The following JCAD variants were observed in gnomAD, a reference collection of about 807,000 sequenced individuals.
JCAD encodes the protein junctional cadherin 5 associated.
In JCAD, 40 loss-of-function variants were observed where a neutral mutation model predicts 98.0. That is an observed-to-expected ratio of 0.41 (90% CI 0.32 to 0.53). The LOEUF is 0.53. Among genes scored for constraint, JCAD ranks in the 20% least tolerant of loss-of-function variants. JCAD has a pLI of 0.31. For missense variants in JCAD, 1,705 were observed against 1,738.1 expected (o/e 0.98, Z 0.34); for synonymous variants, 691 against 682.3 (o/e 1.01, Z -0.20).
intron 1 of JCAD, among the ~76,000 whole-genome samples, chr10:30,101,376 T>C (rs898865246): frequency 4.6e-5 from 7 of 152,078 alleles, no homozygotes; most frequent in Non-Finnish European, 1.5e-5. Flanking sequence ...ACCACTGCAC[T>C]CCAGCCTGGG....
chr10:30,031,750 ATTTTTT>A (rs1177691710), intron 2 of JCAD, among the ~76,000 whole-genome samples: 4 of 63,370 alleles, frequency 6.3e-5, no homozygotes, highest in Admixed American at 4.2e-4. Flanking sequence ...CCCCATCTGT[ATTTTTT>A]TTTTTTTTTT....
intron 1 of JCAD, among the ~76,000 whole-genome samples, chr10:30,093,652 G>A (rs1214249485): frequency 6.6e-6 from 1 of 152,162 alleles, no homozygotes; most frequent in Non-Finnish European, 1.5e-5. Context: ...TATTATCAGA[G>A]CCACACTCTG....
chr10:30,019,357 C>CAAAAAAAAAA (rs58164754), intron 3 of JCAD, among the ~76,000 whole-genome samples: 15 of 100,296 alleles, frequency 1.5e-4, no homozygotes, highest in African/African-American at 5.0e-4. Context: ...AACTCTGTCT[C>CAAAAAAAAAA]AAAAAAAAAA....
Position 30,074,068 on chromosome 10 carries a change from C to G in JCAD, n.129-4247G>C, listed in dbSNP as rs566609361. 1.4e-4 allele frequency among the ~76,000 whole-genome samples: 21 copies of G among 152,152 alleles called. 3 individuals are homozygous for G. The South Asian group carries it at 4.4e-3, about 32-fold the overall frequency. On this transcript the variant is annotated intron_variant and non_coding_transcript_variant, in intron 1 of 2. Coordinates refer to the JCAD transcript ENST00000465712. ...AGAGGGCAGTAAAAGCTGGCTTTTA[C>G]AGTGTAGAAGAGTAGTCTTGGTGTT... is the stretch of plus-strand genomic sequence containing the variant.
rs148203144 is a variant in JCAD, at chr10:30,048,377, T to A, written c.-59-506A>T. 4.5e-3 allele frequency among the ~76,000 whole-genome samples: 689 copies of A among 152,284 alleles called. 10 individuals carry two copies. In the South Asian group the frequency reaches 0.05, roughly 11 times the overall value. On this transcript the variant is annotated intron_variant, in intron 1 of 3. Coordinates refer to ENST00000375377, the MANE Select transcript of JCAD (RefSeq NM_020848.4). ...CTCTAGGAGAGAGTGAGATCTTTAA[T>A]CAACACAGTCATGATACAATTCAGC...
chr10:30,077,378 G>C (rs1838000415), intron 1 of JCAD, among the ~76,000 whole-genome samples: 1 of 152,172 alleles, frequency 6.6e-6, no homozygotes, highest in Non-Finnish European at 1.5e-5. Flanking sequence ...CTGGGTTCAA[G>C]TGATTCTCCT....
chr10:30,029,989 A>G (rs989835432), intron 2 of JCAD, 123 bp from the exon 3 acceptor site: 3 of 1,103,922 alleles, frequency 2.7e-6, no homozygotes, highest in Non-Finnish European at 2.5e-6. Context: ...CAGCCACAGT[A>G]CTTGCCAGCT....
chr10:30,107,013 A>C (rs542755887), intron 1 of JCAD, among the ~76,000 whole-genome samples: 1 of 152,346 alleles, frequency 6.6e-6, no homozygotes, highest in East Asian at 1.9e-4. Context: ...GTCCCATGGC[A>C]GTCCTGATTC....
chr10:30,111,146 T>A (rs764624986), intron 1 of JCAD, among the ~76,000 whole-genome samples: 1 of 152,340 alleles, frequency 6.6e-6, no homozygotes, highest in East Asian at 1.9e-4. Flanking sequence ...GGCCTGCTGA[T>A]GTTTGGACCA....
At chr10:30,085,944 C>A (rs1338563894) in intron 1 of JCAD, among the ~76,000 whole-genome samples, 1 of 152,088 alleles carries the variant, frequency 6.6e-6, no homozygotes, top group East Asian at 1.9e-4. Flanking sequence ...TTAATGAACT[C>A]TTTTGAAATG....
chr10:30,094,175 T>G (rs987760199), intron 1 of JCAD, among the ~76,000 whole-genome samples: 17 of 152,074 alleles, frequency 1.1e-4, no homozygotes, highest in Non-Finnish European at 2.9e-5. Flanking sequence ...GGCACAGTGG[T>G]TCATGCCTAT....
At position 30,024,108 on chromosome 10, in the gene JCAD, G is replaced by A. The variant is rs552726360; in HGVS notation, c.4045+1995C>T. On this transcript the variant is annotated intron_variant, in intron 3 of 3. Transcript: ENST00000375377. ...TGAGCCTAGGAGTTCAAGGCTACAGGGAGCTATGATCATGCCACTGCACTC... is the reference window on the plus strand; with the variant it reads ...TGAGCCTAGGAGTTCAAGGCTACAGAGAGCTATGATCATGCCACTGCACTC... Among the ~76,000 whole-genome samples, 15 of 152,226 alleles carry A rather than the reference G, an allele frequency of 9.9e-5. 2 individuals are homozygous for A. In the South Asian group the frequency reaches 3.1e-3, roughly 32 times the overall value.
intron 1 of JCAD, among the ~76,000 whole-genome samples, chr10:30,083,300 C>T (rs1313362907): frequency 1.3e-5 from 2 of 152,170 alleles, no homozygotes; most frequent in Non-Finnish European, 2.9e-5. Flanking sequence ...AGAGCAGAAG[C>T]TGGAGTCAAG....
intron 1 of JCAD, among the ~76,000 whole-genome samples, chr10:30,103,232 T>A (rs186155674): frequency 6.6e-6 from 1 of 152,208 alleles, no homozygotes; most frequent in African/African-American, 2.4e-5. Flanking sequence ...TGTTTCTGTA[T>A]CTTAGCTATT....
At chr10:30,047,922 G>T in intron 1 of JCAD, 51 bp from the exon 2 acceptor site, 3 of 1,173,648 alleles carry the variant, frequency 2.6e-6, no homozygotes, top group Non-Finnish European at 3.6e-6. Flanking sequence ...CTAGAGGTCA[G>T]TCTGACACCT....
Position 30,029,062 on chromosome 10 carries a change from C to T in JCAD, c.1086G>A (p.Val362=). 6.2e-7 allele frequency: 1 copy of T among 1,614,122 alleles called. No homozygotes were observed. Among genetic ancestry groups the T allele is most frequent in the Non-Finnish European group, 8.5e-7 (1 of 1,180,038 alleles). The change falls in exon 3 of 4, where the codon GTG becomes GTA. Residue 362 remains valine, a synonymous_variant. Coordinates refer to ENST00000375377, the MANE Select transcript of JCAD (RefSeq NM_020848.4). ...TGTGACCGCCACACACATTTATGGG[C>T]ACCGTGTCTTCCAAGTAGGGGTTTG... is the stretch of plus-strand genomic sequence containing the variant. ...NIPNPYLEDT[V]PINVCGGHSQ... is the part of the protein sequence containing the mutation.
chr10:30,046,184 G>C (rs1384718668), intron 2 of JCAD, among the ~76,000 whole-genome samples: 1 of 152,158 alleles, frequency 6.6e-6, no homozygotes. Flanking sequence ...CCTGGTCCCA[G>C]TGCAGCACTA....
At chr10:30,066,123 G>A (rs1122730) in intron 2 of JCAD, among the ~76,000 whole-genome samples, 75,429 of 152,038 alleles carry the variant, frequency 0.5, 22,175 homozygotes, top group African/African-American at 0.82. Context: ...AGCCGTGAAC[G>A]TCATTGTATG....
intron 1 of JCAD, among the ~76,000 whole-genome samples, chr10:30,111,842 C>T (rs1052582628): frequency 2.0e-5 from 3 of 152,108 alleles, no homozygotes; most frequent in East Asian, 3.9e-4. Context: ...GAAATTGGAA[C>T]CTTCCTACAG....
Sources: gnomAD v4.1 joint callset for allele counts (sites outside exome capture counted in the v4.1 genomes callset) on GRCh38, gnomAD v4.1.1 for gene constraint, MANE v1.5 for transcripts, NCBI Gene and HGNC (gene_info 2026-07-23, HGNC 2026-07-21) for gene names.